The following CA10 variants were observed in gnomAD, a reference collection of about 807,000 sequenced individuals.
The protein encoded by CA10 is carbonic anhydrase 10 (inactive), also known as carbonic anhydrase-related protein 10.
A neutral mutation model predicts 44.2 loss-of-function variants in CA10; 14 were observed. The ratio of observed to expected loss-of-function variants is 0.32; its 90% CI spans 0.21 to 0.50. CA10 has a LOEUF of 0.50. Among genes scored for constraint, CA10 ranks in the 20% least tolerant of loss-of-function variants. The pLI is 0.99. For missense variants in CA10, 350 were observed against 409.7 expected, an observed-to-expected ratio of 0.85 and a Z score of 1.26; for synonymous variants, 159 against 141.6, an observed-to-expected ratio of 1.12 and a Z score of -0.87.
intron 2 of CA10, among the ~76,000 whole-genome samples, chr17:52,024,854 T>A (rs1470073717): frequency 1.3e-5 from 2 of 152,014 alleles, no homozygotes; most frequent in East Asian, 3.9e-4. Context: ...GTGATAGTGA[T>A]AATAATTATT....
intron 4 of CA10, among the ~76,000 whole-genome samples, chr17:51,685,044 T>C (rs899402443): frequency 2.0e-5 from 3 of 152,156 alleles, no homozygotes; most frequent in African/African-American, 4.8e-5. Flanking sequence ...TGTAGGATGT[T>C]AGGAGGGACA....
At chr17:51,984,683 C>T (rs557155690) in intron 2 of CA10, among the ~76,000 whole-genome samples, 54 of 151,982 alleles carry the variant, frequency 3.6e-4, no homozygotes, top group African/African-American at 1.3e-3. Flanking sequence ...GTACATATTA[C>T]AACTGACACC....
chr17:51,880,671 C>A (rs890085927), intron 3 of CA10, among the ~76,000 whole-genome samples: 10 of 152,116 alleles, frequency 6.6e-5, no homozygotes, highest in African/African-American at 2.4e-4. Flanking sequence ...TTTTTAATAC[C>A]TTCCCAACTT....
chr17:51,636,551 C>T (rs1339207649), intron 6 of CA10, among the ~76,000 whole-genome samples: 2 of 152,138 alleles, frequency 1.3e-5, no homozygotes, highest in African/African-American at 4.8e-5. Context: ...ATGCGTTCTA[C>T]CACAGGGATT....
At chr17:51,775,288 T>C (rs1905777069) in intron 3 of CA10, among the ~76,000 whole-genome samples, 1 of 152,072 alleles carries the variant, frequency 6.6e-6, no homozygotes, top group Non-Finnish European at 1.5e-5. Context: ...AGCCTGATGG[T>C]TTAGGGTAAG....
intron 4 of CA10, among the ~76,000 whole-genome samples, chr17:51,658,548 C>T (rs1913884846): frequency 6.6e-6 from 1 of 152,104 alleles, no homozygotes; most frequent in Non-Finnish European, 1.5e-5. Flanking sequence ...GGAAGCATAT[C>T]ACTTGTAGAG....
intron 3 of CA10, among the ~76,000 whole-genome samples, chr17:51,929,005 T>C (rs1014344281): frequency 6.6e-6 from 1 of 152,172 alleles, no homozygotes; most frequent in Non-Finnish European, 1.5e-5. Context: ...ATTTACATCA[T>C]GAAAAGTAAA....
At chr17:51,648,787 G>A (rs758275044) in intron 6 of CA10, among the ~76,000 whole-genome samples, 23 of 152,086 alleles carry the variant, frequency 1.5e-4, no homozygotes, top group African/African-American at 1.4e-4. Context: ...TGGTCTAGCC[G>A]AGGGCTTCTG....
At chr17:52,028,845 C>CT (rs2144168596) in intron 2 of CA10, among the ~76,000 whole-genome samples, 1 of 152,316 alleles carries the variant, frequency 6.6e-6, no homozygotes, top group South Asian at 2.1e-4. Context: ...GACGATAGGA[C>CT]TTTTAGGGCC....
chr17:51,776,709 C>G (rs1367276814), intron 3 of CA10, among the ~76,000 whole-genome samples: 1 of 152,194 alleles, frequency 6.6e-6, no homozygotes, highest in African/African-American at 2.4e-5. Flanking sequence ...AACTGAGTAT[C>G]TGTTTTTCAA....
intron 1 of CA10, among the ~76,000 whole-genome samples, chr17:52,118,572 G>GT (rs1266221006): frequency 6.6e-6 from 1 of 152,098 alleles, no homozygotes; most frequent in Non-Finnish European, 1.5e-5. Context: ...CAAAAGAGAG[G>GT]TAAACAGGAT....
At chr17:51,876,658 C>T (rs1980095190) in intron 3 of CA10, among the ~76,000 whole-genome samples, 1 of 151,566 alleles carries the variant, frequency 6.6e-6, no homozygotes, top group Non-Finnish European at 1.5e-5. Context: ...CCTCACATTA[C>T]CAAATGTTGG....
intron 3 of CA10, among the ~76,000 whole-genome samples, chr17:51,858,000 C>A (rs1049182338): frequency 2.6e-5 from 4 of 152,082 alleles, no homozygotes; most frequent in African/African-American, 9.7e-5. Flanking sequence ...GGGGCTCAGT[C>A]AACTTCATAT....
At chr17:51,971,534 A>G (rs959824936) in intron 2 of CA10, among the ~76,000 whole-genome samples, 1 of 152,128 alleles carries the variant, frequency 6.6e-6, no homozygotes, top group Non-Finnish European at 1.5e-5. Flanking sequence ...CTAGAGAGCA[A>G]CCACTATAGA....
chr17:51,789,822 T>C (rs1006852418), intron 3 of CA10, among the ~76,000 whole-genome samples: 1 of 152,240 alleles, frequency 6.6e-6, no homozygotes, highest in Admixed American at 6.5e-5. Context: ...TTTACCCTTG[T>C]AAGGGGCCTG....
chr17:51,748,537 C>G, intron 3 of CA10: 2 of 940,732 alleles, frequency 2.1e-6, no homozygotes, highest in Non-Finnish European at 2.5e-6. Context: ...CTTCATTTTC[C>G]TGACTGTGAC....
intron 3 of CA10, among the ~76,000 whole-genome samples, chr17:51,873,759 T>C (rs562172406): frequency 4.5e-4 from 69 of 152,292 alleles, no homozygotes; most frequent in African/African-American, 1.7e-3. Flanking sequence ...GCTCTCCTGG[T>C]TTCCACAGTG....
At chr17:52,078,114 C>T (rs565494828) in intron 1 of CA10, among the ~76,000 whole-genome samples, 26 of 152,186 alleles carry the variant, frequency 1.7e-4, no homozygotes, top group Non-Finnish European at 3.5e-4. Context: ...ATTAACAGAG[C>T]TTACTGCTCC....
At chr17:52,013,122 A>G (rs1446663307) in intron 2 of CA10, among the ~76,000 whole-genome samples, 1 of 152,020 alleles carries the variant, frequency 6.6e-6, no homozygotes, top group Non-Finnish European at 1.5e-5. Flanking sequence ...CTATAGAAAT[A>G]CTTTTACAAC....
Sources: allele counts gnomAD v4.1 joint callset (sites outside exome capture counted in the v4.1 genomes callset), GRCh38; gene constraint gnomAD v4.1.1; transcripts MANE v1.5; gene names NCBI Gene and HGNC (gene_info 2026-07-23, HGNC 2026-07-21).